OR52H1: variants seen among roughly 807,000 people sequenced by gnomAD.
The protein encoded by OR52H1 is olfactory receptor family 52 subfamily H member 1.
For missense variants in OR52H1, 383 were observed against 396.4 expected (o/e 0.97, Z 0.29); for synonymous variants, 148 against 138.6 (o/e 1.07, Z -0.48).
rs765240212 is a variant in OR52H1 at position 5,544,720 on chromosome 11, G to A, written c.786C>T (p.Leu262=). 1.2e-5 allele frequency: 20 copies of A among 1,614,072 alleles called. No individual in the cohort carries two copies. The highest frequency in any genetic ancestry group is 4.0e-5 in the African/African-American group (3 of 74,912). ...AGACATTGTGTCCAAAGCGATGGGC[G>A]AGGATGGAGAAAAAGGCAGGTGTAT... is the stretch of plus-strand genomic sequence containing the variant. ...MFYTPAFFSI[L]AHRFGHNVSR... Residue 262 remains leucine, a synonymous_variant, in exon 2 of 2, where the codon CTC becomes CTT. Coordinates refer to ENST00000322653, the MANE Select transcript of OR52H1 (RefSeq NM_001005289.5).
At position 5,545,200 on chromosome 11, in the gene OR52H1, T is replaced by C; in HGVS notation, c.306A>G (p.Gln102=). ...CAAAGTTATAGTGAAGGAAGAACAT[T>C]TGTGTAAGGCATCCTGGGAATGTGA... ...REITFPGCLT[Q]MFFLHYNFVL... is the part of the protein sequence containing the mutation. Residue 102 remains glutamine (Q), a synonymous_variant, in exon 2 of 2, where the codon CAA becomes CAG. Coordinates refer to ENST00000322653, the MANE Select transcript of OR52H1 (RefSeq NM_001005289.5). 1.2e-6 allele frequency: 2 copies of C among 1,614,072 alleles called. No individual in the cohort carries two copies. The highest frequency in any genetic ancestry group is 1.7e-6 in the Non-Finnish European group (2 of 1,180,028).
Position 5,545,095 on chromosome 11 carries a change from G to A in OR52H1, c.411C>T (p.Ile137=). 6.2e-7 allele frequency: 1 copy of A among 1,614,190 alleles called. No individual in the cohort carries two copies. Among genetic ancestry groups the A allele is most frequent in the Non-Finnish European group, 8.5e-7 (1 of 1,180,026 alleles). Residue 137 remains isoleucine, a synonymous_variant, in exon 2 of 2, where the codon ATC becomes ATT. Coordinates refer to ENST00000322653, the MANE Select transcript of OR52H1 (RefSeq NM_001005289.5). ...AICSPLRYTT[I]LTPKTIIKSA... Reference sequence around the variant, plus strand: ...TCTTGATGATGGTCTTGGGAGTCAAGATGGTGGTATATCTCAAGGGAGAAC... The same window carrying A: ...TCTTGATGATGGTCTTGGGAGTCAAAATGGTGGTATATCTCAAGGGAGAAC...
intron 1 of OR52H1, among the ~76,000 whole-genome samples, chr11:5,546,500 C>T (rs116998158): frequency 6.6e-6 from 1 of 152,186 alleles, no homozygotes; most frequent in East Asian, 1.9e-4. Context: ...CTTCCCCCGA[C>T]ACATGTGCTG....
chr11:5,546,734 T>G (rs1846861487), intron 1 of OR52H1, among the ~76,000 whole-genome samples: 1 of 152,184 alleles, frequency 6.6e-6, no homozygotes, highest in South Asian at 2.1e-4. Context: ...CAGATGTTCA[T>G]GAAGTCATCC....
rs1846882992 is a variant in OR52H1, at chr11:5,548,458, T to C, written c.-37A>G. 6.6e-6 allele frequency: 1 copy of C among 151,992 alleles called. No individual in the cohort carries two copies. The highest frequency in any genetic ancestry group is 1.5e-5 in the Non-Finnish European group (1 of 68,052). 9.4% of individuals were successfully genotyped at this position (151,992 alleles called of 1,614,324 possible). ...TCAAACAGCCAATACTCACCAAATC[T>C]TGGGGATCAGGCCAAAGGGAAAGAA... On this transcript the variant is annotated 5_prime_UTR_variant, in exon 1 of 2. Coordinates refer to ENST00000322653, the MANE Select transcript of OR52H1 (RefSeq NM_001005289.5).
At chr11:5,547,798 A>G (rs58930359) in intron 1 of OR52H1, among the ~76,000 whole-genome samples, 1,737 of 152,120 alleles carry the variant, frequency 0.011, 31 homozygotes, top group African/African-American at 0.04. Flanking sequence ...GGTGCCCGCC[A>G]CTATGCCTGG....
At position 5,544,592 on chromosome 11, in the gene OR52H1, A is replaced by T; in HGVS notation, c.914T>A (p.Val305Asp). The change falls in exon 2 of 2, where the codon GTT (valine) becomes GAT (aspartate). Residue 305 changes from valine to aspartate, a missense_variant. By Grantham distance (152) the Val-to-Asp change is radical. Coordinates refer to ENST00000322653, the MANE Select transcript of OR52H1 (RefSeq NM_001005289.5). ...GVKTKQIRDKVILLFSKGTG is the reference protein window; with the variant it reads ...GVKTKQIRDKDILLFSKGTG ...TGTACCCTTAGAAAACAAAAGTATAACCTTATCTCTGATCTGCTTGGTCTT... is the reference window on the plus strand; with the variant it reads ...TGTACCCTTAGAAAACAAAAGTATATCCTTATCTCTGATCTGCTTGGTCTT... The T allele has an allele frequency of 2.5e-5, 40 of 1,607,358 alleles. No homozygotes were observed. Among genetic ancestry groups the T allele is most frequent in the Non-Finnish European group, 3.4e-5 (40 of 1,176,864 alleles).
chr11:5,545,562 G>C (rs1465887683), intron 1 of OR52H1, 27 bp from the exon 2 acceptor site: 4 of 1,558,984 alleles, frequency 2.6e-6, no homozygotes, highest in Non-Finnish European at 3.5e-6. Flanking sequence ...ATTAAGGATA[G>C]AGAAACTTGA....
chr11:5,545,589 C>A (rs1846842699), intron 1 of OR52H1, 54 bp from the exon 2 acceptor site: 2 of 1,476,124 alleles, frequency 1.4e-6, no homozygotes, highest in East Asian at 2.3e-5. Flanking sequence ...CTCAAACTTT[C>A]AACTAATTAT....
At chr11:5,547,334 A>C (rs942054827) in intron 1 of OR52H1, among the ~76,000 whole-genome samples, 3 of 152,212 alleles carry the variant, frequency 2.0e-5, no homozygotes, top group Non-Finnish European at 2.9e-5. Flanking sequence ...GGGAAACTTA[A>C]ATATGGACTA....
Position 5,545,426 on chromosome 11 carries a change from A to G in OR52H1, c.80T>C (p.Val27Ala). The change falls in exon 2 of 2, where the codon GTG (valine) becomes GCG (alanine). Residue 27 changes from valine (V) to alanine (A), a missense_variant. Transcript: ENST00000322653. ...VGIPGLEQFH[V>A]WIGIPFCIIY... Reference sequence around the variant, plus strand: ...GATACAGAAGGGAATTCCAATCCACACATGGAATTGCTCCAGGCCTGGGAT... The same window carrying G: ...GATACAGAAGGGAATTCCAATCCACGCATGGAATTGCTCCAGGCCTGGGAT... 1.2e-6 allele frequency: 2 copies of G among 1,614,162 alleles called. No homozygotes were observed. Among genetic ancestry groups the G allele is most frequent in the Non-Finnish European group, 1.7e-6 (2 of 1,180,000 alleles).
chr11:5,544,772 G>C lies in OR52H1; in HGVS notation c.734C>G (p.Ser245Cys). 6.2e-7 allele frequency: 1 copy of C among 1,614,116 alleles called. No individual in the cohort carries two copies. Among genetic ancestry groups the C allele is most frequent in the Non-Finnish European group, 8.5e-7 (1 of 1,180,000 alleles). ...ACQKALGTCG[S>C]HVCVILMFYT... ...AAACATGAGGATGACACAGACATGA[G>C]AACCACAAGTGCCGAGGGCTTTCTG... Residue 245 changes from serine (S) to cysteine (C), a missense_variant, in exon 2 of 2, where the codon TCT becomes TGT. By Grantham distance (112) the Ser-to-Cys change is moderately radical (BLOSUM62 -1). Transcript: ENST00000322653.
chr11:5,547,247 C>T (rs1846867517), intron 1 of OR52H1, among the ~76,000 whole-genome samples: 1 of 152,196 alleles, frequency 6.6e-6, no homozygotes, highest in Non-Finnish European at 1.5e-5. Context: ...TGAGCCACCA[C>T]GCTCGGCCTG....
intron 1 of OR52H1, among the ~76,000 whole-genome samples, chr11:5,547,357 T>C (rs1044475533): frequency 6.6e-6 from 1 of 152,194 alleles, no homozygotes; most frequent in Non-Finnish European, 1.5e-5. Flanking sequence ...TATTGAGTGA[T>C]ATAAAGGAAC....
At chr11:5,545,628 C>A in intron 1 of OR52H1, 93 bp from the exon 2 acceptor site, 1 of 1,200,530 alleles carries the variant, frequency 8.3e-7, no homozygotes, top group Non-Finnish European at 1.2e-6. Flanking sequence ...ATAAAGTGAC[C>A]ATATAATTTG....
chr11:5,544,995 A>C lies in OR52H1; in HGVS notation c.511T>G (p.Cys171Gly). ...GTGTGGGGTATGATGCGTGTCCTGCAGAAAGGCAGGCATGTCAGCAAGAAT... is the reference window on the plus strand; with the variant it reads ...GTGTGGGGTATGATGCGTGTCCTGCCGAAAGGCAGGCATGTCAGCAAGAAT... Reference protein sequence around the residue: ...DVFLLTCLPFCRTRIIPHTYC... With the variant: ...DVFLLTCLPFGRTRIIPHTYC... The change falls in exon 2 of 2, where the codon TGC becomes GGC. Residue 171 changes from cysteine to glycine, a missense_variant. Transcript: ENST00000322653. The C allele has an allele frequency of 1.2e-6, 2 of 1,614,216 alleles. No homozygotes were observed. The highest frequency in any genetic ancestry group is 1.7e-6 in the Non-Finnish European group (2 of 1,180,022).
In OR52H1 at chr11:5,545,385, C is replaced by A; in HGVS notation, c.121G>T (p.Val41Phe). 1 of 1,614,148 alleles carries A rather than the reference C, an allele frequency of 6.2e-7. No homozygotes were observed. Among genetic ancestry groups the A allele is most frequent in the Non-Finnish European group, 8.5e-7 (1 of 1,180,034 alleles). The change falls in exon 2 of 2, where the codon GTT becomes TTT. Residue 41 changes from valine to phenylalanine, a missense_variant. Val to Phe is a conservative substitution (Grantham distance 50, BLOSUM62 -1). Transcript: ENST00000322653. ...IPFCIIYIVA[V>F]VGNCILLYLI... is the part of the protein sequence containing the mutation. ...TAGAGAAGGATGCAGTTTCCCACAA[C>A]AGCTACAATGTAGATGATACAGAAG...
rs1429199411 is a variant in OR52H1 at position 5,545,311 on chromosome 11, G to C, written c.195C>G (p.Leu65=). Residue 65 remains leucine (L), a synonymous_variant, in exon 2 of 2, where the codon CTC becomes CTG. Coordinates refer to ENST00000322653, the MANE Select transcript of OR52H1 (RefSeq NM_001005289.5). ...HSLHEPMFFF[L]SMLAMTDLIL... ...TGAGGTCAGTCATGGCCAGCATGGA[G>C]AGAAAGAAGAACATGGGTTCATGAA... is the stretch of plus-strand genomic sequence containing the variant. 4.3e-6 allele frequency: 7 copies of C among 1,614,186 alleles called. No homozygotes were observed. Among genetic ancestry groups the C allele is most frequent in the Middle Eastern group, 1.6e-4 (1 of 6,062 alleles).
rs778242948 is a variant in OR52H1 at position 5,545,219 on chromosome 11, A to C, written c.287T>G (p.Phe96Cys). 2 of 1,614,214 alleles carry C rather than the reference A, an allele frequency of 1.2e-6. No homozygotes were observed. Among genetic ancestry groups the C allele is most frequent in the East Asian group, 4.5e-5 (2 of 44,890 alleles). ...GAACATTTGTGTAAGGCATCCTGGG[A>C]ATGTGATTTCGCGAGCCCCTAGCCA... The part of the protein sequence containing the change: ...IFWLGAREIT[F>C]PGCLTQMFFL... Residue 96 changes from phenylalanine (F) to cysteine (C), a missense_variant, in exon 2 of 2, where the codon TTC becomes TGC. Transcript: ENST00000322653.
Sources: gnomAD v4.1 joint callset for allele counts (sites outside exome capture counted in the v4.1 genomes callset) on GRCh38, gnomAD v4.1.1 for gene constraint, MANE v1.5 for transcripts, NCBI Gene and HGNC (gene_info 2026-07-23, HGNC 2026-07-21) for gene names.